The following ME1 variants were observed in gnomAD, a reference collection of about 807,000 sequenced individuals.
ME1 encodes the protein malic enzyme 1.
In ME1, 74 loss-of-function variants were observed where a neutral mutation model predicts 66.4. The ratio of observed to expected loss-of-function variants is 1.11; its 90% CI spans 0.92 to 1.35. The LOEUF (loss-of-function observed/expected upper bound fraction) is 1.35, where lower values mean the gene tolerates loss of function less well. Ranked by LOEUF, ME1 falls within the 40% of genes most tolerant of loss-of-function variation. ME1 has a pLI of 0.00. For synonymous variants in ME1, 251 were observed against 235.6 expected (o/e 1.07, Z -0.60); for missense variants, 750 against 694.1 (o/e 1.08, Z -0.90).
chr6:83,351,334 G>C (rs1471794689), intron 4 of ME1, among the ~76,000 whole-genome samples: 1 of 152,036 alleles, frequency 6.6e-6, no homozygotes, highest in African/African-American at 2.4e-5. Context: ...ATTCCATCCT[G>C]GTACTAAAAG....
chr6:83,247,603 G>A (rs1186017738), intron 7 of ME1, among the ~76,000 whole-genome samples: 2 of 152,054 alleles, frequency 1.3e-5, no homozygotes, highest in African/African-American at 4.8e-5. Context: ...GGCTGTAATG[G>A]TTAGATAATT....
At chr6:83,224,200 C>A (rs1790144461) in intron 11 of ME1, among the ~76,000 whole-genome samples, 1 of 152,146 alleles carries the variant, frequency 6.6e-6, no homozygotes, top group Admixed American at 6.6e-5. Context: ...TCACTCTATT[C>A]TCTGCAGTGG....
At chr6:83,398,342 G>A in intron 3 of ME1, 25 bp downstream of exon 3, 1 of 1,507,730 alleles carries the variant, frequency 6.6e-7, no homozygotes, top group Non-Finnish European at 8.9e-7. Flanking sequence ...GACACAAGTT[G>A]CATATAAAAT....
At chr6:83,245,796 A>T (rs1360844003) in intron 7 of ME1, among the ~76,000 whole-genome samples, 3 of 152,186 alleles carry the variant, frequency 2.0e-5, no homozygotes, top group African/African-American at 7.2e-5. Flanking sequence ...CTAATTCATG[A>T]GCTTTTTCTC....
intron 3 of ME1, among the ~76,000 whole-genome samples, chr6:83,355,070 G>T (rs1248635086): frequency 6.6e-6 from 1 of 151,982 alleles, no homozygotes; most frequent in Non-Finnish European, 1.5e-5. Flanking sequence ...AATGTATTTT[G>T]TTTCTCAAAA....
intron 7 of ME1, among the ~76,000 whole-genome samples, chr6:83,248,661 G>C (rs901722899): frequency 1.3e-5 from 2 of 152,072 alleles, no homozygotes; most frequent in African/African-American, 4.8e-5. Context: ...AAGACCTAAT[G>C]GTTTTATAAG....
chr6:83,398,333 A>C, intron 3 of ME1, 34 bp downstream of exon 3: 2 of 1,460,148 alleles, frequency 1.4e-6, no homozygotes, highest in East Asian at 2.4e-5. Context: ...ATAAATAAAG[A>C]CACAAGTTGC....
At chr6:83,393,472 G>C (rs1769669578) in intron 3 of ME1, 1 of 505,876 alleles carries the variant, frequency 2.0e-6, no homozygotes, top group South Asian at 2.2e-5. Flanking sequence ...CACTGCTGGA[G>C]AGTCCCTGCC....
intron 9 of ME1, among the ~76,000 whole-genome samples, chr6:83,230,117 T>C (rs1489232703): frequency 6.7e-6 from 1 of 149,300 alleles, no homozygotes; most frequent in Non-Finnish European, 1.5e-5. Context: ...TGAGCCACCA[T>C]GCCAGGCTCT....
chr6:83,379,515 G>A (rs1769355430), intron 3 of ME1, among the ~76,000 whole-genome samples: 1 of 151,994 alleles, frequency 6.6e-6, no homozygotes, highest in Non-Finnish European at 1.5e-5. Context: ...TTCTATGAAT[G>A]CTTGTAAACA....
At chr6:83,430,203 A>AAAACG (rs1175364919) in intron 1 of ME1, among the ~76,000 whole-genome samples, 2 of 152,096 alleles carry the variant, frequency 1.3e-5, no homozygotes, top group African/African-American at 2.4e-5. Context: ...AAAACAAAAC[A>AAAACG]AAACAAAAGA....
intron 1 of ME1, among the ~76,000 whole-genome samples, chr6:83,410,895 A>G (rs1255245609): frequency 6.6e-6 from 1 of 152,222 alleles, no homozygotes; most frequent in African/African-American, 2.4e-5. Flanking sequence ...CATGTAAATG[A>G]TAATGCCATC....
At chr6:83,330,183 T>C (rs1768377355) in intron 5 of ME1, among the ~76,000 whole-genome samples, 1 of 152,202 alleles carries the variant, frequency 6.6e-6, no homozygotes, top group African/African-American at 2.4e-5. Flanking sequence ...ACCTTTATCT[T>C]CTATACTGAT....
chr6:83,333,299 A>G (rs1768452141), intron 5 of ME1, among the ~76,000 whole-genome samples: 1 of 152,216 alleles, frequency 6.6e-6, no homozygotes, highest in East Asian at 1.9e-4. Context: ...AATTAGTACT[A>G]CAGGAACATT....
chr6:83,344,698 A>G (rs942380815), intron 5 of ME1, among the ~76,000 whole-genome samples: 5 of 151,634 alleles, frequency 3.3e-5, no homozygotes, highest in Admixed American at 6.6e-5. Context: ...CCTGGCTAAC[A>G]CGGTGAAACA....
chr6:83,412,899 T>C (rs1045182033), intron 1 of ME1, among the ~76,000 whole-genome samples: 7 of 152,194 alleles, frequency 4.6e-5, no homozygotes, highest in African/African-American at 1.4e-4. Context: ...TTCCTTATTG[T>C]GGTGTTGATT....
intron 5 of ME1, among the ~76,000 whole-genome samples, chr6:83,333,106 C>T (rs1768446930): frequency 6.6e-6 from 1 of 151,956 alleles, no homozygotes; most frequent in South Asian, 2.1e-4. Flanking sequence ...CATTACTATC[C>T]AGTACATGTA....
chr6:83,237,883 A>C (rs910519271), intron 8 of ME1, 53 bp from the exon 9 acceptor site: 7 of 921,392 alleles, frequency 7.6e-6, no homozygotes. Context: ...TATCTTATTA[A>C]GGGTTACATT....
At chr6:83,393,993 C>A (rs1209942477) in intron 3 of ME1, among the ~76,000 whole-genome samples, 2 of 151,760 alleles carry the variant, frequency 1.3e-5, no homozygotes, top group Non-Finnish European at 2.9e-5. Flanking sequence ...TGTCTGTTGG[C>A]GTTTTTTGGT....
Sources: gnomAD v4.1 joint callset for allele counts (sites outside exome capture counted in the v4.1 genomes callset) on GRCh38, gnomAD v4.1.1 for gene constraint, MANE v1.5 for transcripts, NCBI Gene and HGNC (gene_info 2026-07-23, HGNC 2026-07-21) for gene names.